The following SLC8A1 variants were observed in gnomAD, a reference collection of about 807,000 sequenced individuals.
The protein encoded by SLC8A1 is sodium/calcium exchanger 1.
A neutral mutation model predicts 68.3 loss-of-function variants in SLC8A1; 18 were observed. That is an observed-to-expected ratio of 0.26 (90% CI 0.18 to 0.39). The LOEUF (loss-of-function observed/expected upper bound fraction) is 0.39, where lower values mean the gene tolerates loss of function less well. Among genes scored for constraint, SLC8A1 ranks in the 10% least tolerant of loss-of-function variants. SLC8A1 has a pLI of 1.00. For synonymous variants in SLC8A1, 475 were observed against 415.5 expected (o/e 1.14, Z -1.74); for missense variants, 985 against 1,156.7 (o/e 0.85, Z 2.15).
exon 8 of SLC8A1, chr2:40,115,170 A>G: frequency 2.9e-6 from 3 of 1,023,698 alleles, no homozygotes; most frequent in African/African-American, 1.6e-5. Context: ...GAACATGACA[A>G]ATGTCAGTTT....
exon 8 of SLC8A1, chr2:40,099,329 G>A (rs1015332421): frequency 6.6e-6 from 1 of 152,108 alleles, no homozygotes; most frequent in Non-Finnish European, 1.5e-5. Flanking sequence ...ACGGCAAGTC[G>A]TGGAGATTAC....
chr2:40,304,686 T>C (rs917407895), intron 2 of SLC8A1, among the ~76,000 whole-genome samples: 3 of 152,156 alleles, frequency 2.0e-5, no homozygotes, highest in African/African-American at 7.2e-5. Context: ...CACTGCCTCA[T>C]GTGCTGCCGT....
In SLC8A1 at chr2:40,466,281, A is replaced by G. The variant is rs531657601; in HGVS notation, c.-24-35977T>C. 2.0e-5 allele frequency among the ~76,000 whole-genome samples: 3 copies of G among 152,340 alleles called. No homozygotes were observed. In the East Asian group the frequency reaches 5.8e-4, roughly 29 times the overall value. On this transcript the variant is annotated intron_variant, in intron 1 of 7. Transcript: ENST00000402441. ...ATTATGACATTGACATTTAACAATAAATAGGACTAAGTCAATTTCAAAAAT... is the reference window on the plus strand; with the variant it reads ...ATTATGACATTGACATTTAACAATAGATAGGACTAAGTCAATTTCAAAAAT...
In SLC8A1 at chr2:40,183,316, C is replaced by T. The variant is rs533366162; in HGVS notation, c.1809-5461G>A. On this transcript the variant is annotated intron_variant, in intron 2 of 7. Transcript: ENST00000406785. The stretch of plus-strand genomic sequence containing the variant: ...TTTAAAGGATCTGGATCATTAATAA[C>T]GAGTTTTATTGTTTCGTATTTACAT... Among the ~76,000 whole-genome samples, 211 of 152,214 alleles carry T rather than the reference C, an allele frequency of 1.4e-3. No homozygotes were observed. In the Middle Eastern group the frequency reaches 0.024, roughly 17 times the overall value.
At chr2:40,396,463 T>C (rs1290900581) in intron 2 of SLC8A1, among the ~76,000 whole-genome samples, 1 of 151,932 alleles carries the variant, frequency 6.6e-6, no homozygotes, top group African/African-American at 2.4e-5. Context: ...AGTAGCACAG[T>C]GCAAATTTAA....
intron 2 of SLC8A1, among the ~76,000 whole-genome samples, chr2:40,347,981 T>C (rs1369599509): frequency 6.6e-6 from 1 of 152,250 alleles, no homozygotes; most frequent in Non-Finnish European, 1.5e-5. Flanking sequence ...TTTAAAAGCA[T>C]ATTCTCAGGT....
chr2:40,252,624 G>T (rs577047267), intron 2 of SLC8A1, among the ~76,000 whole-genome samples: 1 of 152,254 alleles, frequency 6.6e-6, no homozygotes, highest in South Asian at 2.1e-4. Flanking sequence ...GCACAGGTGT[G>T]AGCAATCACG....
chr2:40,467,266 C>T (rs1459846141), intron 1 of SLC8A1, among the ~76,000 whole-genome samples: 3 of 152,152 alleles, frequency 2.0e-5, no homozygotes. Flanking sequence ...TCTGAAAATG[C>T]TGTCCTTTTG....
rs567473341 is a variant in SLC8A1 at position 40,404,791 on chromosome 2, C to T, written c.1808+23682G>A. On this transcript the variant is annotated intron_variant, in intron 2 of 7. Coordinates refer to ENST00000406785, the Ensembl canonical transcript of SLC8A1. Reference sequence around the variant, plus strand: ...GCTAGTTGTTGAGCAGTTAAACAGGCTGTCCAAAAAGGCCCCCATTGCTGT... The same window carrying T: ...GCTAGTTGTTGAGCAGTTAAACAGGTTGTCCAAAAAGGCCCCCATTGCTGT... 2.0e-5 allele frequency among the ~76,000 whole-genome samples: 3 copies of T among 152,254 alleles called. No individual in the cohort carries two copies. In the East Asian group the frequency reaches 5.8e-4, roughly 29 times the overall value.
chr2:40,240,084 T>C (rs2061009929), intron 2 of SLC8A1, among the ~76,000 whole-genome samples: 1 of 152,216 alleles, frequency 6.6e-6, no homozygotes, highest in Non-Finnish European at 1.5e-5. Flanking sequence ...AGCTTAAAAC[T>C]ATCTGATGAT....
chr2:40,306,154 G>A (rs2149285678), intron 2 of SLC8A1, among the ~76,000 whole-genome samples: 1 of 152,288 alleles, frequency 6.6e-6, no homozygotes, highest in East Asian at 1.9e-4. Flanking sequence ...GATAAGCTTG[G>A]GGAACCCAAA....
At chr2:40,507,736 C>T (rs1360114590) in intron 1 of SLC8A1, among the ~76,000 whole-genome samples, 1 of 151,954 alleles carries the variant, frequency 6.6e-6, no homozygotes, top group East Asian at 1.9e-4. Flanking sequence ...GTGACTATCT[C>T]ATAGGGCTAA....
chr2:40,364,008 C>G (rs1675316754), intron 2 of SLC8A1, among the ~76,000 whole-genome samples: 1 of 151,882 alleles, frequency 6.6e-6, no homozygotes, highest in African/African-American at 2.4e-5. Context: ...TCAGAATAAC[C>G]CTGGATGTTT....
intron 1 of SLC8A1, among the ~76,000 whole-genome samples, chr2:40,483,719 C>T (rs1442494689): frequency 2.0e-5 from 3 of 152,294 alleles, no homozygotes; most frequent in East Asian, 1.9e-4. Context: ...AGATGGCTGA[C>T]GTACTTCCTT....
At position 40,252,806 on chromosome 2, in the gene SLC8A1, GTACATA is replaced by G. The variant is rs202041270; in HGVS notation, c.1809-74957_1809-74952del. ...CATATATATATGTGTGTGTATATAT[GTACATA>G]TACATATATATGTATATACATGTGT... On this transcript the variant is annotated intron_variant, in intron 2 of 7. Transcript: ENST00000406785. Among the ~76,000 whole-genome samples, 290 of 145,028 alleles carry G rather than the reference GTACATA, an allele frequency of 2.0e-3. 8 individuals carry two copies. Among genetic ancestry groups the G allele is most frequent in the East Asian group, 0.016 (78 of 4,978 alleles).
upstream of SLC8A1, among the ~76,000 whole-genome samples, chr2:40,455,732 T>C (rs1702961151): frequency 6.6e-6 from 1 of 152,228 alleles, no homozygotes; most frequent in African/African-American, 2.4e-5. Context: ...TGTTGACTTC[T>C]AAGTGCTGTT....
intron 4 of SLC8A1, among the ~76,000 whole-genome samples, chr2:40,166,923 T>C (rs1317184706): frequency 6.6e-6 from 1 of 152,218 alleles, no homozygotes; most frequent in Non-Finnish European, 1.5e-5. Flanking sequence ...TGTGAAGCTA[T>C]TGGGGGAGAA....
intron 2 of SLC8A1, among the ~76,000 whole-genome samples, chr2:40,293,181 C>A (rs538791052): frequency 6.6e-6 from 1 of 152,254 alleles, no homozygotes; most frequent in Admixed American, 6.5e-5. Flanking sequence ...TGTCTATTGA[C>A]CTCGTTAATT....
Position 40,302,492 on chromosome 2 carries a change from A to G in SLC8A1, c.1809-124637T>C, listed in dbSNP as rs541676166. On this transcript the variant is annotated intron_variant, in intron 2 of 7. Coordinates refer to ENST00000406785, the Ensembl canonical transcript of SLC8A1. ...ATACACACATATATATGATACATAT[A>G]TATCATATATGTGTGTGTATACATA... Among the ~76,000 whole-genome samples the G allele has an allele frequency of 2.0e-5, 3 of 150,552 alleles. No individual in the cohort carries two copies. In the South Asian group the frequency reaches 6.3e-4, roughly 31 times the overall value.
Sources: allele counts gnomAD v4.1 joint callset (sites outside exome capture counted in the v4.1 genomes callset), GRCh38; gene constraint gnomAD v4.1.1; transcripts MANE v1.5; gene names NCBI Gene and HGNC (gene_info 2026-07-23, HGNC 2026-07-21).